The following MAN1C1 variants were observed in gnomAD, a reference collection of about 807,000 sequenced individuals.
MAN1C1 encodes the protein mannosyl-oligosaccharide 1,2-alpha-mannosidase IC.
MAN1C1 carries 49 observed loss-of-function variants against 71.5 expected under a neutral mutation model. The ratio of observed to expected loss-of-function variants is 0.69; its 90% CI spans 0.54 to 0.87. MAN1C1 has a LOEUF of 0.87. Among genes scored for constraint, MAN1C1 ranks in the 40% least tolerant of loss-of-function variants. MAN1C1 has a pLI of 0.00. For synonymous variants in MAN1C1, 352 were observed against 343.7 expected, an observed-to-expected ratio of 1.02 and a Z score of -0.27; for missense variants, 743 against 835.0, an observed-to-expected ratio of 0.89 and a Z score of 1.36.
intron 2 of MAN1C1, among the ~76,000 whole-genome samples, chr1:25,720,559 G>A (rs185564933): frequency 1.2e-3 from 184 of 152,224 alleles, no homozygotes; most frequent in Non-Finnish European, 2.1e-3. Context: ...GAAGTTCTCC[G>A]TTTGTTCTGG....
At chr1:25,651,663 A>T (rs963695905) in intron 1 of MAN1C1, among the ~76,000 whole-genome samples, 1 of 152,194 alleles carries the variant, frequency 6.6e-6, no homozygotes. Flanking sequence ...GCTCAGAATT[A>T]ACATGCTTAT....
rs572683763 is a variant in MAN1C1, at chr1:25,631,588, A to T, written c.540+13251A>T. Reference sequence around the variant, plus strand: ...GTTAGACCATCCCTGCATCCCTGCTATGAAACCCACTTGATCATGGTGTAT... The same window carrying T: ...GTTAGACCATCCCTGCATCCCTGCTTTGAAACCCACTTGATCATGGTGTAT... On this transcript the variant is annotated intron_variant, in intron 1 of 11. Transcript: ENST00000374332. The surrounding 1 kb of genome is among the most constrained non-coding windows in gnomAD (Gnocchi z 4.2). Among the ~76,000 whole-genome samples the T allele has an allele frequency of 6.6e-6, 1 of 152,190 alleles. No individual in the cohort carries two copies. The highest frequency in any genetic ancestry group is 1.5e-5 in the Non-Finnish European group (1 of 68,040).
chr1:25,679,903 T>C (rs2046122933), intron 1 of MAN1C1, among the ~76,000 whole-genome samples: 1 of 135,064 alleles, frequency 7.4e-6, no homozygotes, highest in Admixed American at 8.1e-5. Flanking sequence ...TACCTCTGGG[T>C]AGAGGCCTAG....
intron 2 of MAN1C1, among the ~76,000 whole-genome samples, chr1:25,714,358 C>G (rs530836356): frequency 2.6e-5 from 4 of 152,230 alleles, no homozygotes; most frequent in Admixed American, 6.5e-5. Flanking sequence ...GACATTGACT[C>G]CTTGATTTGA....
In MAN1C1 at chr1:25,631,319, A is replaced by G. The variant is rs1446147380; in HGVS notation, c.540+12982A>G. Among the ~76,000 whole-genome samples, 1 of 152,142 alleles carries G rather than the reference A, an allele frequency of 6.6e-6. No homozygotes were observed. The highest frequency in any genetic ancestry group is 1.5e-5 in the Non-Finnish European group (1 of 68,030). On this transcript the variant is annotated intron_variant, in intron 1 of 11. Coordinates refer to ENST00000374332, the MANE Select transcript of MAN1C1 (RefSeq NM_020379.4). This position sits in a 1 kb window ranked among gnomAD's most constrained non-coding sequence, Gnocchi z 4.2. Reference sequence around the variant, plus strand: ...AAAGTCGGCATCCTTGTCTTGTTCCAGTTCTTAGAAGGGAATGCCTTAAAC... The same window carrying G: ...AAAGTCGGCATCCTTGTCTTGTTCCGGTTCTTAGAAGGGAATGCCTTAAAC...
intron 10 of MAN1C1, 68 bp downstream of exon 10, chr1:25,781,180 G>T: frequency 1.9e-6 from 3 of 1,567,306 alleles, no homozygotes; most frequent in African/African-American, 1.3e-5. Context: ...CTGGGTGCTA[G>T]GTGCCCTGGC....
At chr1:25,732,040 C>T (rs1475335722) in intron 2 of MAN1C1, among the ~76,000 whole-genome samples, 3 of 152,090 alleles carry the variant, frequency 2.0e-5, no homozygotes, top group East Asian at 3.9e-4. Context: ...TGAGCCTGGG[C>T]CAGGGGATCA....
chr1:25,684,120 C>T (rs2786882), intron 1 of MAN1C1, among the ~76,000 whole-genome samples: 33,236 of 151,766 alleles, frequency 0.22, 6,228 homozygotes, highest in African/African-American at 0.51. Context: ...TGTGGCCCCC[C>T]GCTTAGACCT....
intron 1 of MAN1C1, among the ~76,000 whole-genome samples, chr1:25,651,260 G>A (rs1161801498): frequency 6.6e-6 from 1 of 152,228 alleles, no homozygotes; most frequent in East Asian, 1.9e-4. Context: ...TCCTGACAGT[G>A]ACCAGCCTCA....
intron 1 of MAN1C1, among the ~76,000 whole-genome samples, chr1:25,677,608 C>A (rs140640065): frequency 0.012 from 1,785 of 152,240 alleles, 123 homozygotes; most frequent in Admixed American, 0.11. Context: ...TACTGCACTG[C>A]CCTGGCCCAT....
intron 2 of MAN1C1, among the ~76,000 whole-genome samples, chr1:25,691,422 C>G (rs1040262087): frequency 3.3e-5 from 5 of 152,242 alleles, no homozygotes; most frequent in Non-Finnish European, 5.9e-5. Flanking sequence ...CTTAACTTCT[C>G]TGGGCCTCAG....
intron 1 of MAN1C1, among the ~76,000 whole-genome samples, chr1:25,685,499 T>C (rs1161718330): frequency 6.6e-6 from 1 of 152,140 alleles, no homozygotes; most frequent in East Asian, 1.9e-4. Context: ...GAGGGAGACC[T>C]TGGGGGCTGC....
At chr1:25,687,370 G>T (rs2046246750) in intron 2 of MAN1C1, among the ~76,000 whole-genome samples, 1 of 152,148 alleles carries the variant, frequency 6.6e-6, no homozygotes. Context: ...GTGGGCATGG[G>T]CTCAGATTCC....
At chr1:25,638,481 C>T (rs1169039573) in intron 1 of MAN1C1, among the ~76,000 whole-genome samples, 1 of 152,060 alleles carries the variant, frequency 6.6e-6, no homozygotes. Context: ...TTCCAATATT[C>T]TTCATTTCTT....
At chr1:25,701,640 A>G (rs538280422) in intron 2 of MAN1C1, among the ~76,000 whole-genome samples, 1 of 152,250 alleles carries the variant, frequency 6.6e-6, no homozygotes, top group South Asian at 2.1e-4. Flanking sequence ...TTTTTGGGGT[A>G]TTTGGAGATG....
chr1:25,668,708 A>G (rs2045956683), intron 1 of MAN1C1, among the ~76,000 whole-genome samples: 1 of 151,900 alleles, frequency 6.6e-6, no homozygotes, highest in Non-Finnish European at 1.5e-5. Context: ...GACGCCCGCC[A>G]TGATGCCCAG....
chr1:25,643,463 A>T (rs1355922439), intron 1 of MAN1C1, among the ~76,000 whole-genome samples: 1 of 98,062 alleles, frequency 1.0e-5, no homozygotes, highest in Admixed American at 1.4e-4. Flanking sequence ...TAGAGATGGG[A>T]TTTCACTGTG....
At chr1:25,747,303 G>T (rs934498971) in intron 3 of MAN1C1, among the ~76,000 whole-genome samples, 1 of 152,220 alleles carries the variant, frequency 6.6e-6, no homozygotes, top group African/African-American at 2.4e-5. Flanking sequence ...TTGGTCTCCA[G>T]CCTTGCAGGC....
chr1:25,772,002 T>C, intron 8 of MAN1C1: 1 of 514,676 alleles, frequency 1.9e-6, no homozygotes, highest in South Asian at 2.5e-5. Flanking sequence ...ATGTGAAACC[T>C]AAGCTCTGGG....
Sources: allele counts gnomAD v4.1 joint callset (sites outside exome capture counted in the v4.1 genomes callset), GRCh38; gene constraint gnomAD v4.1.1; non-coding constraint Gnocchi (gnomAD v3.1); transcripts MANE v1.5; gene names NCBI Gene and HGNC (gene_info 2026-07-23, HGNC 2026-07-21).